MAN1A2: variants seen among roughly 807,000 people sequenced by gnomAD.
The protein encoded by MAN1A2 is mannosidase alpha class 1A member 2.
MAN1A2 carries 26 observed loss-of-function variants against 75.7 expected under a neutral mutation model. That is an observed-to-expected ratio of 0.34 (90% CI 0.25 to 0.48). The LOEUF (loss-of-function observed/expected upper bound fraction) is 0.48, where lower values mean the gene tolerates loss of function less well. MAN1A2 is among the 20% of genes least tolerant of loss of function. The probability of loss-of-function intolerance (pLI) is 0.99; values close to 1 mark genes in which losing one functional copy is unlikely to be tolerated. For missense variants in MAN1A2, 562 were observed against 775.5 expected, an observed-to-expected ratio of 0.72 and a Z score of 3.27; for synonymous variants, 247 against 264.6, an observed-to-expected ratio of 0.93 and a Z score of 0.65.
Position 117,431,594 on chromosome 1 carries a change from C to G in MAN1A2, c.856-10637C>G, listed in dbSNP as rs563755418. ...TTTTCAAGTGCACATGGTATGTTTA[C>G]CAAAAATAAATTGTATGCTGGATCA... On this transcript the variant is annotated intron_variant, in intron 5 of 12. Transcript: ENST00000356554. Among the ~76,000 whole-genome samples, 52 of 152,168 alleles carry G rather than the reference C, an allele frequency of 3.4e-4. 1 individual carries two copies. Among genetic ancestry groups the G allele is most frequent in the Middle Eastern group, 6.8e-3 (2 of 294 alleles).
At chr1:117,451,861 G>A (rs2101825300) in intron 6 of MAN1A2, among the ~76,000 whole-genome samples, 1 of 152,298 alleles carries the variant, frequency 6.6e-6, no homozygotes, top group Admixed American at 6.5e-5. Context: ...GATGGTGCAT[G>A]CCTGTAGCCC....
At chr1:117,449,744 T>C (rs548350417) in intron 6 of MAN1A2, among the ~76,000 whole-genome samples, 1 of 152,164 alleles carries the variant, frequency 6.6e-6, no homozygotes, top group African/African-American at 2.4e-5. Flanking sequence ...GAAAGTGAAA[T>C]AGCCGTATTG....
At position 117,491,251 on chromosome 1, in the gene MAN1A2, C is replaced by T. The variant is rs148513923; in HGVS notation, c.1169-1896C>T. ...GAAGTCAATGCTTGGCTTTCAAGGACGGGCTGACTCTTGTTGGGGGCTAAT... is the reference window on the plus strand; with the variant it reads ...GAAGTCAATGCTTGGCTTTCAAGGATGGGCTGACTCTTGTTGGGGGCTAAT... On this transcript the variant is annotated intron_variant, in intron 8 of 12. Transcript: ENST00000356554. Among the ~76,000 whole-genome samples, 714 of 152,116 alleles carry T rather than the reference C, an allele frequency of 4.7e-3. 5 individuals are homozygous for T. Among genetic ancestry groups the T allele is most frequent in the Non-Finnish European group, 6.5e-3 (441 of 67,958 alleles).
intron 8 of MAN1A2, among the ~76,000 whole-genome samples, chr1:117,487,089 A>G (rs1650730983): frequency 6.6e-6 from 1 of 152,040 alleles, no homozygotes; most frequent in African/African-American, 2.4e-5. Context: ...GCTCTGGGGG[A>G]AAATTATTTC....
intron 1 of MAN1A2, among the ~76,000 whole-genome samples, chr1:117,384,984 G>A (rs943519776): frequency 1.3e-5 from 2 of 152,068 alleles, no homozygotes; most frequent in Non-Finnish European, 2.9e-5. Context: ...GAGTGGATTT[G>A]GAATTGAAAA....
chr1:117,473,098 C>A (rs1650211944), intron 8 of MAN1A2, among the ~76,000 whole-genome samples: 1 of 151,974 alleles, frequency 6.6e-6, no homozygotes. Context: ...ACTTAAATAT[C>A]TTATAGATAC....
At chr1:117,485,690 C>G (rs1650650597) in intron 8 of MAN1A2, among the ~76,000 whole-genome samples, 1 of 152,004 alleles carries the variant, frequency 6.6e-6, no homozygotes, top group African/African-American at 2.4e-5. Flanking sequence ...GTTCCACCTC[C>G]ATCCCTGGTA....
intron 5 of MAN1A2, among the ~76,000 whole-genome samples, chr1:117,438,781 A>G (rs1338980613): frequency 6.6e-6 from 1 of 152,232 alleles, no homozygotes; most frequent in African/African-American, 2.4e-5. Flanking sequence ...GCTGTACCAT[A>G]TAACCTAGAT....
chr1:117,471,808 T>C (rs1047512110), intron 8 of MAN1A2, among the ~76,000 whole-genome samples: 1 of 151,988 alleles, frequency 6.6e-6, no homozygotes, highest in Non-Finnish European at 1.5e-5. Context: ...AGTGAATATA[T>C]ATACTCTGTT....
intron 6 of MAN1A2, among the ~76,000 whole-genome samples, chr1:117,454,107 A>G (rs188501503): frequency 4.7e-4 from 72 of 152,354 alleles, no homozygotes; most frequent in African/African-American, 1.7e-3. Flanking sequence ...CTACAGTATA[A>G]TGTAAATATA....
intron 8 of MAN1A2, among the ~76,000 whole-genome samples, chr1:117,475,334 A>G (rs1458288967): frequency 6.6e-6 from 1 of 151,716 alleles, no homozygotes; most frequent in Non-Finnish European, 1.5e-5. Flanking sequence ...TCAGTCTTTT[A>G]GTTTTAGCCA....
Position 117,367,965 on chromosome 1 carries a change from A to C in MAN1A2, c.-219A>C. ...GTACAGATGTTGAAGAGGATATCGC[A>C]GGACCTAAACTTGTGATCGTTTGGG... On this transcript the variant is annotated 5_prime_UTR_variant, in exon 1 of 13. Transcript: ENST00000356554. 5.5e-6 allele frequency: 3 copies of C among 547,834 alleles called. No individual in the cohort carries two copies. The highest frequency in any genetic ancestry group is 9.7e-6 in the Non-Finnish European group (3 of 309,930). 33.9% of individuals were successfully genotyped at this position (547,834 alleles called of 1,614,324 possible).
Position 117,525,522 on chromosome 1 carries a change from A to T in MAN1A2, c.*2565A>T, listed in dbSNP as rs1374319523. ...AATACTCAGGTTAAATATTCATTGC[A>T]TTTATAAGATCTTCTGCAAAAAGCC... On this transcript the variant is annotated 3_prime_UTR_variant, in exon 13 of 13. Transcript: ENST00000356554. The T allele has an allele frequency of 6.4e-6, 1 of 157,146 alleles. No homozygotes were observed. The highest frequency in any genetic ancestry group is 1.4e-5 in the Non-Finnish European group (1 of 70,802). The allele number at this position is 157,146 out of a possible 1,614,324, so 9.7% of individuals were successfully genotyped here. A position where few individuals can be genotyped will look rare whatever the true frequency, so the allele number is the denominator to read the frequency against.
chr1:117,468,419 A>G (rs956085256), intron 8 of MAN1A2, among the ~76,000 whole-genome samples: 14 of 152,122 alleles, frequency 9.2e-5, no homozygotes, highest in African/African-American at 3.1e-4. Context: ...TTTATTTACA[A>G]TAATCTTGGG....
intron 1 of MAN1A2, among the ~76,000 whole-genome samples, chr1:117,393,904 GT>G (rs922958544): frequency 6.6e-6 from 1 of 152,146 alleles, no homozygotes; most frequent in Non-Finnish European, 1.5e-5. Flanking sequence ...ATCAATGGAA[GT>G]TTGAATGTGT....
intron 5 of MAN1A2, among the ~76,000 whole-genome samples, chr1:117,421,241 T>TAAA (rs1648178454): frequency 6.6e-6 from 1 of 151,978 alleles, no homozygotes; most frequent in African/African-American, 2.4e-5. Flanking sequence ...AAGGAAGAGG[T>TAAA]TATAAGTCAT....
At chr1:117,417,534 A>ATATATATATATATATAT (rs1648033932) in intron 4 of MAN1A2, among the ~76,000 whole-genome samples, 1 of 89,218 alleles carries the variant, frequency 1.1e-5, no homozygotes, top group Non-Finnish European at 2.2e-5. Flanking sequence ...CTTGAGTTTA[A>ATATATATATATATATAT]ATATATATAT....
intron 2 of MAN1A2, among the ~76,000 whole-genome samples, chr1:117,403,714 A>G (rs891330502): frequency 9.2e-5 from 14 of 152,174 alleles, no homozygotes; most frequent in African/African-American, 3.4e-4. Flanking sequence ...TCTTCTGTGA[A>G]GAGATACTTT....
chr1:117,514,576 C>T (rs1651653933), intron 12 of MAN1A2, among the ~76,000 whole-genome samples: 1 of 152,112 alleles, frequency 6.6e-6, no homozygotes, highest in African/African-American at 2.4e-5. Context: ...AGCTAGCTAT[C>T]AGACTATTAA....
Sources: gnomAD v4.1 joint callset for allele counts (sites outside exome capture counted in the v4.1 genomes callset) on GRCh38, gnomAD v4.1.1 for gene constraint, MANE v1.5 for transcripts, NCBI Gene and HGNC (gene_info 2026-07-23, HGNC 2026-07-21) for gene names.